Variants in CNTNAP2 observed in about 807,000 individuals in gnomAD.
CNTNAP2 encodes contactin associated protein 2.
In CNTNAP2, 98 loss-of-function variants were observed where a neutral mutation model predicts 155.2. The observed-to-expected ratio is 0.63, with a 90% CI of 0.54 to 0.75. CNTNAP2 has a LOEUF of 0.75. Among genes scored for constraint, CNTNAP2 ranks in the 30% least tolerant of loss-of-function variants. The pLI, the probability that CNTNAP2 is intolerant of heterozygous loss-of-function variation, is 0.00. For synonymous variants in CNTNAP2, 651 were observed against 631.2 expected (o/e 1.03, Z -0.47); for missense variants, 1,727 against 1,688.1 (o/e 1.02, Z -0.40).
chr7:148,086,789 C>G (rs963011548), intron 15 of CNTNAP2, among the ~76,000 whole-genome samples: 5 of 152,172 alleles, frequency 3.3e-5, no homozygotes, highest in African/African-American at 1.2e-4. Flanking sequence ...GGTGAGGACA[C>G]AGATCCAGGT....
At chr7:148,023,154 C>G (rs1047860980) in intron 15 of CNTNAP2, among the ~76,000 whole-genome samples, 1 of 152,078 alleles carries the variant, frequency 6.6e-6, no homozygotes, top group Non-Finnish European at 1.5e-5. Context: ...TGAAATTACC[C>G]GTTTCCAATA....
At chr7:146,668,056 GAGAGGAAA>G (rs1197471673) in intron 1 of CNTNAP2, among the ~76,000 whole-genome samples, 2 of 152,072 alleles carry the variant, frequency 1.3e-5, no homozygotes, top group East Asian at 3.9e-4. Context: ...TTCCAGTTCT[GAGAGGAAA>G]AGATTTTAGC....
intron 13 of CNTNAP2, among the ~76,000 whole-genome samples, chr7:147,752,399 A>G (rs1184137832): frequency 1.3e-5 from 2 of 152,144 alleles, no homozygotes; most frequent in Admixed American, 6.5e-5. Context: ...AGCTGTGATG[A>G]CAGACGAACG....
chr7:148,393,628 T>C (rs1476765402), intron 22 of CNTNAP2, among the ~76,000 whole-genome samples: 1 of 152,244 alleles, frequency 6.6e-6, no homozygotes, highest in East Asian at 1.9e-4. Context: ...AGGATATGTG[T>C]GTTTTTAATT....
At chr7:146,541,701 A>G (rs1797955816) in intron 1 of CNTNAP2, among the ~76,000 whole-genome samples, 1 of 151,982 alleles carries the variant, frequency 6.6e-6, no homozygotes, top group Non-Finnish European at 1.5e-5. Context: ...TCCAGGGAAG[A>G]TGCTGCTCTC....
intron 15 of CNTNAP2, among the ~76,000 whole-genome samples, chr7:148,028,108 A>G (rs1802405401): frequency 6.6e-6 from 1 of 152,220 alleles, no homozygotes; most frequent in Non-Finnish European, 1.5e-5. Flanking sequence ...GCCCACCTGA[A>G]CTAAAGTTTT....
chr7:146,593,385 G>C (rs1211779936), intron 1 of CNTNAP2, among the ~76,000 whole-genome samples: 2 of 152,002 alleles, frequency 1.3e-5, no homozygotes, highest in East Asian at 3.9e-4. Context: ...ATGGAGAAGG[G>C]ATCAGGAAAG....
chr7:147,995,178 C>T (rs577412608), intron 15 of CNTNAP2, among the ~76,000 whole-genome samples: 3 of 152,312 alleles, frequency 2.0e-5, no homozygotes, highest in East Asian at 1.9e-4. Context: ...CCCTACCAGG[C>T]ATGCACCCAA....
At chr7:147,049,492 G>T (rs1303267631) in intron 4 of CNTNAP2, among the ~76,000 whole-genome samples, 1 of 151,762 alleles carries the variant, frequency 6.6e-6, no homozygotes, top group Non-Finnish European at 1.5e-5. Context: ...TGTCTCAAGA[G>T]CTTTCTTTGG....
At chr7:147,778,729 T>C (rs971358886) in intron 13 of CNTNAP2, among the ~76,000 whole-genome samples, 9 of 152,200 alleles carry the variant, frequency 5.9e-5, no homozygotes, top group African/African-American at 2.2e-4. Flanking sequence ...GCCAGGCTGG[T>C]CTTGAACTCC....
At chr7:148,151,874 C>T (rs1198793971) in intron 17 of CNTNAP2, among the ~76,000 whole-genome samples, 1 of 152,086 alleles carries the variant, frequency 6.6e-6, no homozygotes, top group Non-Finnish European at 1.5e-5. Context: ...CAAACTAAGG[C>T]CCAAGGATTT....
At chr7:147,377,905 T>A (rs1021841754) in intron 9 of CNTNAP2, 2 of 407,780 alleles carry the variant, frequency 4.9e-6, no homozygotes, top group Non-Finnish European at 9.7e-6. Context: ...TTTATAAAAA[T>A]GTTTAATTGG....
intron 1 of CNTNAP2, among the ~76,000 whole-genome samples, chr7:146,396,632 T>TTTTGC (rs1795631097): frequency 6.6e-6 from 1 of 151,780 alleles, no homozygotes; most frequent in East Asian, 1.9e-4. Flanking sequence ...CGCATTATTA[T>TTTTGC]TACACAAACA....
chr7:146,361,866 G>A (rs1795087772), intron 1 of CNTNAP2, among the ~76,000 whole-genome samples: 1 of 152,168 alleles, frequency 6.6e-6, no homozygotes, highest in Admixed American at 6.5e-5. Context: ...CATATTTGAA[G>A]TTTTGTAAGC....
intron 1 of CNTNAP2, among the ~76,000 whole-genome samples, chr7:146,310,471 A>C (rs1800799874): frequency 6.6e-6 from 1 of 152,132 alleles, no homozygotes; most frequent in South Asian, 2.1e-4. Flanking sequence ...TTATTTGAAA[A>C]GTTAGAGGTG....
chr7:146,560,393 ATGTGTATATGTG>A (rs1798262301), intron 1 of CNTNAP2, among the ~76,000 whole-genome samples: 1 of 151,998 alleles, frequency 6.6e-6, no homozygotes, highest in Non-Finnish European at 1.5e-5. Context: ...GTATATATGT[ATGTGTATATGTG>A]TGTGTATACA....
intron 1 of CNTNAP2, among the ~76,000 whole-genome samples, chr7:146,707,459 C>T (rs1056390175): frequency 6.6e-6 from 1 of 152,038 alleles, no homozygotes; most frequent in Non-Finnish European, 1.5e-5. Flanking sequence ...AATAAGGTAA[C>T]CACTTGTTAG....
At chr7:146,696,934 G>GTA (rs1800792253) in intron 1 of CNTNAP2, among the ~76,000 whole-genome samples, 1 of 152,086 alleles carries the variant, frequency 6.6e-6, no homozygotes, top group Admixed American at 6.6e-5. Context: ...CTAGAATGTG[G>GTA]TATATCCTGG....
At chr7:146,375,676 A>C (rs1795294698) in intron 1 of CNTNAP2, among the ~76,000 whole-genome samples, 1 of 152,200 alleles carries the variant, frequency 6.6e-6, no homozygotes, top group Non-Finnish European at 1.5e-5. Context: ...ATTGCTTTTA[A>C]AAAGGCAACC....
Sources: allele counts gnomAD v4.1 joint callset (sites outside exome capture counted in the v4.1 genomes callset), GRCh38; gene constraint gnomAD v4.1.1; transcripts MANE v1.5; gene names NCBI Gene and HGNC (gene_info 2026-07-23, HGNC 2026-07-21).